RMDN2: variants seen among roughly 807,000 people sequenced by gnomAD.
The protein encoded by RMDN2 is regulator of microtubule dynamics protein 2.
In RMDN2, 61 loss-of-function variants were observed where a neutral mutation model predicts 52.8. That is an observed-to-expected ratio of 1.16 (90% CI 0.94 to 1.43). The LOEUF (loss-of-function observed/expected upper bound fraction) is 1.43. Ranked by LOEUF, RMDN2 falls within the 40% of genes most tolerant of loss-of-function variation. The pLI is 0.00. For synonymous variants in RMDN2, 180 were observed against 153.1 expected (o/e 1.18, Z -1.30); for missense variants, 592 against 475.3 (o/e 1.25, Z -2.28).
intron 2 of RMDN2, among the ~76,000 whole-genome samples, chr2:37,939,432 G>C (rs1252314289): frequency 6.6e-6 from 1 of 152,148 alleles, no homozygotes; most frequent in Non-Finnish European, 1.5e-5. Context: ...CTGAGTTCAA[G>C]TCCTGAATAT....
intron 2 of RMDN2, among the ~76,000 whole-genome samples, chr2:37,939,283 C>T (rs1667577287): frequency 6.6e-6 from 1 of 152,084 alleles, no homozygotes; most frequent in South Asian, 2.1e-4. Flanking sequence ...CATTCTTTTA[C>T]ATTTGCTGAG....
chr2:37,943,700 C>A (rs1053023162), intron 2 of RMDN2, among the ~76,000 whole-genome samples: 1 of 152,102 alleles, frequency 6.6e-6, no homozygotes, highest in East Asian at 1.9e-4. Context: ...TCCTTCATTG[C>A]GCTCCATTCT....
chr2:37,990,143 A>G (rs1033223141), intron 6 of RMDN2, among the ~76,000 whole-genome samples: 3 of 25,060 alleles, frequency 1.2e-4, no homozygotes, highest in African/African-American at 7.8e-4. Flanking sequence ...ACTCCGTCTG[A>G]AAAAAAAAAA....
At chr2:37,959,384 GGT>G (rs1669895777) in intron 2 of RMDN2, among the ~76,000 whole-genome samples, 1 of 150,612 alleles carries the variant, frequency 6.6e-6, no homozygotes, top group Admixed American at 6.6e-5. Context: ...GTCTTGGGAG[GGT>G]GTGTGTGTCC....
chr2:37,947,722 G>A (rs1203288180), intron 2 of RMDN2, among the ~76,000 whole-genome samples: 1 of 152,214 alleles, frequency 6.6e-6, no homozygotes, highest in Non-Finnish European at 1.5e-5. Context: ...ATCAGCTAAA[G>A]ATGTGCATTT....
intron 1 of RMDN2, 62 bp downstream of exon 1, chr2:37,925,487 T>G (rs1363285105): frequency 1.3e-5 from 2 of 152,604 alleles, no homozygotes; most frequent in Non-Finnish European, 2.9e-5. Flanking sequence ...GCCGGGGACT[T>G]GCGGAGGGAA....
In RMDN2 at chr2:37,981,297, GA is replaced by G; in HGVS notation, c.748del (p.Arg250GlufsTer8). The G allele has an allele frequency of 6.2e-7, 1 of 1,600,962 alleles. No individual in the cohort carries two copies. Among genetic ancestry groups the G allele is most frequent in the Non-Finnish European group, 8.6e-7 (1 of 1,168,088 alleles). On this transcript the variant is annotated frameshift_variant, in exon 5 of 11. Transcript: ENST00000354545. LOFTEE classifies it high-confidence loss of function. The stretch of plus-strand genomic sequence containing the variant: ...TTATCTTTCAGGAAAAACTTTAAGT[GA>G]AAGAGCTATTAATAGAGCACCCATG... ...HYANIGKTLS[E>X]RAINRAPMNG...
intron 2 of RMDN2, chr2:37,951,445 ATTCT>A (rs1558459959): frequency 3.7e-6 from 6 of 1,612,346 alleles, no homozygotes; most frequent in Non-Finnish European, 4.2e-6. Flanking sequence ...GAAAGAAGAT[ATTCT>A]TTATTTGTTG....
At chr2:37,930,144 C>G (rs189276739) in intron 2 of RMDN2, among the ~76,000 whole-genome samples, 115 of 152,344 alleles carry the variant, frequency 7.5e-4, no homozygotes, top group African/African-American at 2.6e-3. Flanking sequence ...CCCCTCTGGC[C>G]ACAAAGCACA....
rs71400332 is a variant in RMDN2, at chr2:37,968,438, CAAAAAAA to C, written c.453-5585_453-5579del. On this transcript the variant is annotated intron_variant, in intron 2 of 10. Transcript: ENST00000354545. Reference sequence around the variant, plus strand: ...TGGGTGACAGAGCGAGACTCTGTCTCAAAAAAAAAAAAAAAAAAAAAAAGAAAGTCTG... The same window carrying C: ...TGGGTGACAGAGCGAGACTCTGTCTCAAAAAAAAAAAAAAAAGAAAGTCTG... Among the ~76,000 whole-genome samples the C allele has an allele frequency of 2.8e-3, 251 of 89,152 alleles. 1 individual carries two copies. The highest frequency in any genetic ancestry group is 8.1e-3 in the African/African-American group (193 of 23,698). 58.5% of individuals were successfully genotyped at this position (89,152 alleles called of 152,430 possible). A position where few individuals can be genotyped will look rare whatever the true frequency, so the allele number is the denominator to read the frequency against.
intron 2 of RMDN2, among the ~76,000 whole-genome samples, chr2:37,938,744 C>G (rs1572707627): frequency 6.6e-6 from 1 of 151,930 alleles, no homozygotes; most frequent in African/African-American, 2.4e-5. Flanking sequence ...GGTGATCTCC[C>G]CTTTATCATT....
intron 10 of RMDN2, among the ~76,000 whole-genome samples, chr2:38,049,624 G>A (rs914230469): frequency 1.3e-5 from 2 of 152,168 alleles, no homozygotes; most frequent in African/African-American, 2.4e-5. Context: ...CCAGCCTGGA[G>A]TGCAGTGGTA....
intron 5 of RMDN2, among the ~76,000 whole-genome samples, chr2:37,985,916 G>T (rs960008529): frequency 1.9e-4 from 29 of 151,998 alleles, no homozygotes; most frequent in African/African-American, 6.8e-4. Context: ...TGACAATTTT[G>T]TATCAATATT....
rs535290103 is a variant in RMDN2, at chr2:38,053,188, C to T, written c.1714-13794C>T. Among the ~76,000 whole-genome samples the T allele has an allele frequency of 1.4e-4, 21 of 152,230 alleles. No homozygotes were observed. In the East Asian group the frequency reaches 3.7e-3, roughly 27 times the overall value. ...ATTATCCCTACAATAACATGATTTT[C>T]TTACTCAAATTATGATTTTTTTTGG... On this transcript the variant is annotated intron_variant, in intron 10 of 10. Transcript: ENST00000234195.
chr2:37,952,376 AAGTT>A, intron 2 of RMDN2: 1 of 603,650 alleles, frequency 1.7e-6, no homozygotes, highest in Non-Finnish European at 2.8e-6. Context: ...GTAGTTTTGA[AAGTT>A]AGTTTACTGA....
intron 10 of RMDN2, among the ~76,000 whole-genome samples, chr2:38,006,134 C>T (rs1189262340): frequency 6.6e-6 from 1 of 152,164 alleles, no homozygotes; most frequent in Non-Finnish European, 1.5e-5. Context: ...AGTCTGGTAG[C>T]ATGATGCCTC....
chr2:38,006,612 G>A (rs947573661), intron 10 of RMDN2, among the ~76,000 whole-genome samples: 3 of 152,176 alleles, frequency 2.0e-5, no homozygotes, highest in African/African-American at 7.2e-5. Flanking sequence ...GGGCTGAGAT[G>A]ATGGGATTTT....
chr2:37,982,743 G>A (rs556935993), intron 5 of RMDN2, among the ~76,000 whole-genome samples: 3 of 152,292 alleles, frequency 2.0e-5, no homozygotes, highest in Admixed American at 6.5e-5. Flanking sequence ...ATTTGGTACA[G>A]ACTTAAGATC....
In RMDN2 at chr2:38,036,969, A is replaced by T. The variant is rs75287435; in HGVS notation, c.1714-30013A>T. Among the ~76,000 whole-genome samples, 40 of 152,268 alleles carry T rather than the reference A, an allele frequency of 2.6e-4. No homozygotes were observed. The East Asian group carries it at 7.1e-3, about 27-fold the overall frequency. On this transcript the variant is annotated intron_variant, in intron 10 of 10. Coordinates refer to the RMDN2 transcript ENST00000234195. ...ATTTCCGGGAAAAGAGTAGGTAGGGATCAAGAGCAAAGAACATGGGAAAAT... is the reference window on the plus strand; with the variant it reads ...ATTTCCGGGAAAAGAGTAGGTAGGGTTCAAGAGCAAAGAACATGGGAAAAT...
Sources: allele counts gnomAD v4.1 joint callset (sites outside exome capture counted in the v4.1 genomes callset), GRCh38; gene constraint gnomAD v4.1.1; transcripts MANE v1.5; gene names NCBI Gene and HGNC (gene_info 2026-07-23, HGNC 2026-07-21).